The following INTS9 variants were observed in gnomAD, a reference collection of about 807,000 sequenced individuals.
INTS9 encodes protein related to CPSF subunits of 74 kDa.
A neutral mutation model predicts 79.7 loss-of-function variants in INTS9; 55 were observed. The ratio of observed to expected loss-of-function variants is 0.69; its 90% CI spans 0.56 to 0.86. The LOEUF (loss-of-function observed/expected upper bound fraction) is 0.86. Among genes scored for constraint, INTS9 ranks in the 40% least tolerant of loss-of-function variants. The pLI is 0.00. For missense variants in INTS9, 721 were observed against 831.5 expected, an observed-to-expected ratio of 0.87 and a Z score of 1.64; for synonymous variants, 319 against 325.2, an observed-to-expected ratio of 0.98 and a Z score of 0.20.
intron 1 of INTS9, among the ~76,000 whole-genome samples, chr8:28,884,113 C>T (rs545913599): frequency 6.9e-6 from 1 of 145,708 alleles, no homozygotes; most frequent in Non-Finnish European, 1.5e-5. Flanking sequence ...CATAGGTAAG[C>T]CAGATTTTTT....
chr8:28,842,975 T>G (rs1807279545), intron 4 of INTS9, among the ~76,000 whole-genome samples: 1 of 152,152 alleles, frequency 6.6e-6, no homozygotes, highest in Non-Finnish European at 1.5e-5. Context: ...GATGGTGTGT[T>G]TATGGCATTA....
chr8:28,867,865 T>TAACTCTTATAATCCTCCC (rs1332093309), intron 1 of INTS9, among the ~76,000 whole-genome samples: 2 of 152,198 alleles, frequency 1.3e-5, no homozygotes, highest in East Asian at 3.8e-4. Context: ...CTTTATATTT[T>TAACTCTTATAATCCTCCC]AACTCTTATA....
chr8:28,829,352 T>C (rs1461852115), intron 6 of INTS9, among the ~76,000 whole-genome samples: 1 of 152,184 alleles, frequency 6.6e-6, no homozygotes, highest in Non-Finnish European at 1.5e-5. Flanking sequence ...AAGAGTAAAC[T>C]GCAATGTCAA....
chr8:28,851,416 G>GTTTGTT (rs532007435), intron 2 of INTS9, among the ~76,000 whole-genome samples: 2 of 151,726 alleles, frequency 1.3e-5, no homozygotes, highest in Non-Finnish European at 2.9e-5. Flanking sequence ...GGTGGGGTAA[G>GTTTGTT]TTTGTTTTTG....
At chr8:28,775,111 C>G (rs1802789844) in intron 14 of INTS9, among the ~76,000 whole-genome samples, 1 of 152,154 alleles carries the variant, frequency 6.6e-6, no homozygotes, top group Non-Finnish European at 1.5e-5. Flanking sequence ...TCACTCATAA[C>G]TGAGGTCCAG....
At chr8:28,853,429 A>G (rs1183550260) in intron 2 of INTS9, among the ~76,000 whole-genome samples, 1 of 150,430 alleles carries the variant, frequency 6.6e-6, no homozygotes, top group Non-Finnish European at 1.5e-5. Flanking sequence ...AAAAAAAAAG[A>G]AAGAAACAAA....
chr8:28,791,722 G>A (rs773212983), intron 10 of INTS9, among the ~76,000 whole-genome samples: 3 of 152,168 alleles, frequency 2.0e-5, no homozygotes, highest in East Asian at 1.9e-4. Flanking sequence ...ATTCCTCAAG[G>A]TCAGGGACCT....
chr8:28,812,459 C>G lies in INTS9; in HGVS notation c.612G>C (p.Glu204Asp). 1 of 1,613,146 alleles carries G rather than the reference C, an allele frequency of 6.2e-7. No individual in the cohort carries two copies. The highest frequency in any genetic ancestry group is 2.2e-5 in the East Asian group (1 of 44,842). ...IQLVGYSQKI[E>D]LFGAVQVTPL... The stretch of plus-strand genomic sequence containing the variant: ...GAGTCACCTGGACCGCACCAAAAAG[C>G]TCCTAAAAGAGAACCACAGTAAGAA... The change falls in exon 8 of 17, where the codon GAG becomes GAC. Residue 204 changes from glutamate (E) to aspartate (D), a missense_variant and splice_region_variant. Physicochemically the swap from Glu to Asp is conservative, Grantham distance 45. This residue lies in a region of INTS9 where 291 missense variants were observed against 307.0 expected (regional missense o/e 0.95). Coordinates refer to ENST00000521022, the MANE Select transcript of INTS9 (RefSeq NM_018250.4).
chr8:28,806,594 C>CA (rs1309205551), intron 8 of INTS9, among the ~76,000 whole-genome samples: 1 of 152,180 alleles, frequency 6.6e-6, no homozygotes, highest in African/African-American at 2.4e-5. Context: ...ACACGTAGAA[C>CA]ATTTACAAAA....
intron 15 of INTS9, among the ~76,000 whole-genome samples, chr8:28,770,760 T>G (rs1384340565): frequency 6.6e-6 from 1 of 152,210 alleles, no homozygotes; most frequent in African/African-American, 2.4e-5. Context: ...CCCACAGCCC[T>G]GCCTCGCGTG....
At chr8:28,791,871 A>T (rs903990125) in intron 10 of INTS9, among the ~76,000 whole-genome samples, 1 of 152,254 alleles carries the variant, frequency 6.6e-6, no homozygotes, top group Non-Finnish European at 1.5e-5. Context: ...AGACAGACAC[A>T]CATCCCATGT....
At chr8:28,866,400 G>A (rs1426985441) in intron 1 of INTS9, among the ~76,000 whole-genome samples, 2 of 152,026 alleles carry the variant, frequency 1.3e-5, no homozygotes, top group Non-Finnish European at 2.9e-5. Flanking sequence ...ATTTTATGTT[G>A]ATTTCTCAGC....
chr8:28,781,484 C>T (rs1304533535), intron 11 of INTS9, among the ~76,000 whole-genome samples: 1 of 152,188 alleles, frequency 6.6e-6, no homozygotes, highest in Non-Finnish European at 1.5e-5. Flanking sequence ...TTTGAAAAAT[C>T]ATGTCCACAA....
intron 2 of INTS9, among the ~76,000 whole-genome samples, chr8:28,858,340 T>C (rs947386737): frequency 2.6e-5 from 4 of 152,210 alleles, no homozygotes; most frequent in African/African-American, 9.6e-5. Flanking sequence ...CTAAATCCTC[T>C]GGTCCAGAAC....
chr8:28,872,605 T>C (rs550388974), intron 1 of INTS9, among the ~76,000 whole-genome samples: 3 of 152,188 alleles, frequency 2.0e-5, no homozygotes, highest in African/African-American at 7.2e-5. Context: ...GGAGAGGACA[T>C]GGCTTTCTTT....
chr8:28,771,519 ACCCCT>A (rs1802539177), intron 14 of INTS9, among the ~76,000 whole-genome samples: 1 of 152,120 alleles, frequency 6.6e-6, no homozygotes, highest in South Asian at 2.1e-4. Flanking sequence ...AGACATGTAG[ACCCCT>A]ACCTAGCCAA....
At chr8:28,820,516 T>G (rs988357657) in intron 6 of INTS9, among the ~76,000 whole-genome samples, 3 of 152,214 alleles carry the variant, frequency 2.0e-5, no homozygotes, top group African/African-American at 4.8e-5. Context: ...GTTAGTCTGA[T>G]GGGCTTCCCT....
chr8:28,769,613 T>G (rs1585315589), intron 16 of INTS9: 1 of 369,518 alleles, frequency 2.7e-6, no homozygotes, highest in Admixed American at 4.4e-5. Context: ...CTCACTACCC[T>G]GCCCCACTCG....
chr8:28,834,399 G>A (rs1311827842), intron 6 of INTS9, among the ~76,000 whole-genome samples: 2 of 152,126 alleles, frequency 1.3e-5, no homozygotes, highest in African/African-American at 4.8e-5. Context: ...CTTCACATAT[G>A]AGAATCTTCA....
Sources: allele counts gnomAD v4.1 joint callset (sites outside exome capture counted in the v4.1 genomes callset), GRCh38; gene constraint gnomAD v4.1.1; regional missense constraint gnomAD v4.1.1; transcripts MANE v1.5; gene names NCBI Gene and HGNC (gene_info 2026-07-23, HGNC 2026-07-21).